The following PLXNA4 variants were observed in gnomAD, a reference collection of about 807,000 sequenced individuals.
The protein encoded by PLXNA4 is plexin-A4.
A neutral mutation model predicts 191.8 loss-of-function variants in PLXNA4; 44 were observed. The ratio of observed to expected loss-of-function variants is 0.23; its 90% CI spans 0.18 to 0.29. PLXNA4 has a LOEUF of 0.29. Ranked by LOEUF, PLXNA4 falls within the 10% of genes least tolerant of loss-of-function variation. The pLI, the probability that PLXNA4 is intolerant of heterozygous loss-of-function variation, is 1.00. For missense variants in PLXNA4, 1,800 were observed against 2,488.8 expected (o/e 0.72, Z 5.89); for synonymous variants, 1,082 against 1,009.5 (o/e 1.07, Z -1.36).
intron 1 of PLXNA4, among the ~76,000 whole-genome samples, chr7:132,564,970 C>T (rs1195524152): frequency 1.3e-5 from 2 of 150,778 alleles, no homozygotes; most frequent in Non-Finnish European, 3.0e-5. Flanking sequence ...GACCTGCCAT[C>T]CCTGCTGCAT....
intron 29 of PLXNA4, among the ~76,000 whole-genome samples, chr7:132,143,636 G>A (rs577809147): frequency 6.6e-6 from 1 of 152,186 alleles, no homozygotes; most frequent in East Asian, 1.9e-4. Flanking sequence ...GTAGGCTGGG[G>A]ACATGCCCCA....
chr7:132,473,644 A>G (rs1434030005), intron 3 of PLXNA4, among the ~76,000 whole-genome samples: 1 of 152,158 alleles, frequency 6.6e-6, no homozygotes. Flanking sequence ...ATGGATAGTG[A>G]TGGCAAATAA....
chr7:132,177,901 C>T (rs1157317661), intron 20 of PLXNA4, among the ~76,000 whole-genome samples: 1 of 152,158 alleles, frequency 6.6e-6, no homozygotes, highest in East Asian at 1.9e-4. Context: ...CAAAAAGAGC[C>T]GTGGCTGCCC....
At chr7:132,354,005 A>G (rs78523665) in intron 3 of PLXNA4, among the ~76,000 whole-genome samples, 2,014 of 152,154 alleles carry the variant, frequency 0.013, 42 homozygotes, top group African/African-American at 0.046. Context: ...CCCCCAACAC[A>G]TGTCCTCATT....
Position 132,130,338 on chromosome 7 carries a change from G to A in PLXNA4, c.*141C>T, listed in dbSNP as rs1291959410. On this transcript the variant is annotated 3_prime_UTR_variant, in exon 32 of 32. Coordinates refer to ENST00000321063, the MANE Select transcript of PLXNA4 (RefSeq NM_020911.2). ...AGGAAGGAGGGAGAAACGGAAAGAG[G>A]CAGAGAGAAAGAGAGAGAAACAGCG... 8.5e-6 allele frequency: 10 copies of A among 1,175,424 alleles called. No individual in the cohort carries two copies. The highest frequency in any genetic ancestry group is 1.2e-5 in the Non-Finnish European group (10 of 828,914). The allele number at this position is 1,175,424 out of a possible 1,614,324, so 72.8% of individuals were successfully genotyped here.
rs1056768526 is a variant in PLXNA4 at position 132,180,522 on chromosome 7, G to A, written c.3639+64C>T. The stretch of plus-strand genomic sequence containing the variant: ...AATCCCCTCTTGGAAAGCCTTGGTG[G>A]CCTGAGCTCACATCTGCATCCCTAC... On this transcript the variant is annotated intron_variant, in intron 19 of 31. Coordinates refer to ENST00000321063, the MANE Select transcript of PLXNA4 (RefSeq NM_020911.2). 43 of 1,596,164 alleles carry A rather than the reference G, an allele frequency of 2.7e-5. No individual in the cohort carries two copies. In the East Asian group the frequency reaches 9.0e-4, roughly 33 times the overall value.
rs1334888309 is a variant in PLXNA4 at position 132,298,084 on chromosome 7, G to A, written c.1503+7C>T. On this transcript the variant is annotated splice_region_variant and intron_variant, in intron 4 of 31. Transcript: ENST00000321063. ...ACAAATGTCTAGCGGAGCCCGAAGA[G>A]CCTTACCTGCCTCTCTGACATGATG... 1 of 1,614,014 alleles carries A rather than the reference G, an allele frequency of 6.2e-7. No homozygotes were observed. Among genetic ancestry groups the A allele is most frequent in the African/African-American group, 1.3e-5 (1 of 74,926 alleles).
chr7:132,181,563 C>A lies in PLXNA4; in HGVS notation c.3310G>T (p.Gly1104Cys). ...MTCQAPALAL[G>C]PDHQSDLTER... ...GTCAGGTCTGACTGGTGGTCAGGAC[C>A]CAGAGCGAGGGCGGGCGCCTGACAG... The change falls in exon 18 of 32, where the codon GGT (glycine) becomes TGT (cysteine). Residue 1104 changes from glycine (G) to cysteine (C), a missense_variant. Physicochemically the swap from Gly to Cys is radical, Grantham distance 159. Transcript: ENST00000321063. 6.2e-7 allele frequency: 1 copy of A among 1,614,114 alleles called. No individual in the cohort carries two copies. The highest frequency in any genetic ancestry group is 8.5e-7 in the Non-Finnish European group (1 of 1,180,024).
chr7:132,259,838 C>A (rs370896334), intron 4 of PLXNA4, among the ~76,000 whole-genome samples: 8 of 152,142 alleles, frequency 5.3e-5, no homozygotes, highest in African/African-American at 1.7e-4. Context: ...ATGGAGGAAC[C>A]TAAAATGCAT....
intron 29 of PLXNA4, among the ~76,000 whole-genome samples, chr7:132,141,707 T>C (rs1795274219): frequency 6.6e-6 from 1 of 152,074 alleles, no homozygotes; most frequent in African/African-American, 2.4e-5. Flanking sequence ...GTTTTAAAAC[T>C]TGTGTAAGTC....
chr7:132,496,824 T>C (rs1798034935), intron 2 of PLXNA4, among the ~76,000 whole-genome samples: 3 of 152,080 alleles, frequency 2.0e-5, no homozygotes, highest in Admixed American at 1.3e-4. Flanking sequence ...CCAGTCCCTT[T>C]CCCAGCACCA....
At chr7:132,218,626 C>T (rs1421862296) in intron 9 of PLXNA4, among the ~76,000 whole-genome samples, 1 of 152,140 alleles carries the variant, frequency 6.6e-6, no homozygotes, top group Non-Finnish European at 1.5e-5. Flanking sequence ...GATGGGAGGT[C>T]CAGGTTGGCC....
intron 4 of PLXNA4, among the ~76,000 whole-genome samples, chr7:132,277,350 C>T (rs1194555715): frequency 6.6e-6 from 1 of 152,132 alleles, no homozygotes; most frequent in Non-Finnish European, 1.5e-5. Context: ...TTTAAATGCA[C>T]CAGATGCTTA....
rs184351650 is a variant in PLXNA4, at chr7:132,523,032, G to C, written c.-86-14253C>G. Among the ~76,000 whole-genome samples the C allele has an allele frequency of 5.8e-4, 88 of 152,160 alleles. 1 individual carries two copies. Among genetic ancestry groups the C allele is most frequent in the African/African-American group, 2.0e-3 (84 of 41,518 alleles). ...AGGGCTTGTCAGAAGAAACTAACCA[G>C]CAGGCAGGGAAGATGGCCCATGTCT... is the stretch of plus-strand genomic sequence containing the variant. On this transcript the variant is annotated intron_variant, in intron 1 of 31. Transcript: ENST00000321063.
intron 3 of PLXNA4, among the ~76,000 whole-genome samples, chr7:132,463,894 A>G (rs1348020241): frequency 6.6e-6 from 1 of 152,198 alleles, no homozygotes; most frequent in Non-Finnish European, 1.5e-5. Flanking sequence ...TCCTTCCTTC[A>G]TAAACTAGCC....
chr7:132,389,341 C>T (rs1438547854), intron 3 of PLXNA4, among the ~76,000 whole-genome samples: 3 of 152,110 alleles, frequency 2.0e-5, no homozygotes, highest in Non-Finnish European at 2.9e-5. Flanking sequence ...AAGTCTTTGC[C>T]CATGCCAATG....
At position 132,228,366 on chromosome 7, in the gene PLXNA4, C is replaced by CGGA; in HGVS notation, c.1705_1707dup (p.Ser569dup). 6.2e-7 allele frequency: 1 copy of CGGA among 1,614,078 alleles called. No homozygotes were observed. The highest frequency in any genetic ancestry group is 1.3e-5 in the African/African-American group (1 of 75,014). On this transcript the variant is annotated inframe_insertion, in exon 6 of 32. Coordinates refer to ENST00000321063, the MANE Select transcript of PLXNA4 (RefSeq NM_020911.2). ...CTTACCAGCACGTTGTACTGAGAGA[C>CGGA]GGAGATATTGTTGGGATGGACCGTC...
At chr7:132,135,527 G>A (rs1006938180) in intron 30 of PLXNA4, among the ~76,000 whole-genome samples, 2 of 152,148 alleles carry the variant, frequency 1.3e-5, no homozygotes, top group Non-Finnish European at 2.9e-5. Context: ...CTCGGTTAGG[G>A]GCCACTGTGT....
At chr7:132,540,569 CTTTTTTTTT>C (rs71915138) in intron 1 of PLXNA4, among the ~76,000 whole-genome samples, 8,726 of 60,850 alleles carry the variant, frequency 0.14, 506 homozygotes, top group Middle Eastern at 0.21. Context: ...GTGGACCGTT[CTTTTTTTTT>C]TTTTTTTTTT....
Sources: gnomAD v4.1 joint callset for allele counts (sites outside exome capture counted in the v4.1 genomes callset) on GRCh38, gnomAD v4.1.1 for gene constraint, MANE v1.5 for transcripts, NCBI Gene and HGNC (gene_info 2026-07-23, HGNC 2026-07-21) for gene names.